The following LRRC3B variants were observed in gnomAD, a reference collection of about 807,000 sequenced individuals.
LRRC3B encodes the protein leucine rich repeat containing 3B.
A neutral mutation model predicts 12.8 loss-of-function variants in LRRC3B; 2 were observed. The ratio of observed to expected loss-of-function variants is 0.16; its 90% CI spans 0.06 to 0.49. The LOEUF is 0.49. LRRC3B is among the 20% of genes least tolerant of loss of function. The pLI is 0.96. For missense variants in LRRC3B, 189 were observed against 319.4 expected (o/e 0.59, Z 3.11); for synonymous variants, 132 against 122.0 (o/e 1.08, Z -0.54).
In LRRC3B at chr3:26,630,434, C is replaced by T. The variant is rs189748120; in HGVS notation, c.-161+7197C>T. On this transcript the variant is annotated intron_variant, in intron 1 of 1. Transcript: ENST00000396641. ...TTTTATTGAAATATCTGTTTATCGA[C>T]TTATAAAAGAAACCACTGTTACTAA... Among the ~76,000 whole-genome samples the T allele has an allele frequency of 1.5e-3, 221 of 151,960 alleles. 1 individual carries two copies. The highest frequency in any genetic ancestry group is 3.9e-3 in the Admixed American group (59 of 15,256).
At chr3:26,707,282 T>C (rs1161743962) in intron 1 of LRRC3B, among the ~76,000 whole-genome samples, 2 of 151,760 alleles carry the variant, frequency 1.3e-5, no homozygotes, top group African/African-American at 4.8e-5. Context: ...GGAGAATTGC[T>C]GGAACCTGGC....
At position 26,697,594 on chromosome 3, in the gene LRRC3B, T is replaced by C. The variant is rs566852446; in HGVS notation, c.-160-11919T>C. On this transcript the variant is annotated intron_variant, in intron 1 of 1. Coordinates refer to ENST00000396641, the Ensembl canonical transcript of LRRC3B. ...AAATATTTTTAGACCATTTTTGGCTTATCATAATCTATCCTCTGATTCCGA... is the reference window on the plus strand; with the variant it reads ...AAATATTTTTAGACCATTTTTGGCTCATCATAATCTATCCTCTGATTCCGA... Among the ~76,000 whole-genome samples, 85 of 152,262 alleles carry C rather than the reference T, an allele frequency of 5.6e-4. 3 individuals carry two copies. In the South Asian group the frequency reaches 0.017, roughly 31 times the overall value.
chr3:26,696,706 C>G (rs777778760), intron 1 of LRRC3B, among the ~76,000 whole-genome samples: 7 of 152,282 alleles, frequency 4.6e-5, no homozygotes, highest in Non-Finnish European at 7.4e-5. Context: ...ACATTTCTAT[C>G]TCATCCTGGT....
chr3:26,637,543 A>G (rs1446894945), intron 1 of LRRC3B, among the ~76,000 whole-genome samples: 4 of 152,162 alleles, frequency 2.6e-5, no homozygotes, highest in Admixed American at 6.5e-5. Flanking sequence ...GTCTGGACAC[A>G]TTGTGTCCAG....
chr3:26,709,174 TGA>T (rs1417295116), intron 1 of LRRC3B, among the ~76,000 whole-genome samples: 1 of 152,072 alleles, frequency 6.6e-6, no homozygotes, highest in East Asian at 1.9e-4. Context: ...TCAGAAAGGG[TGA>T]GAGACATAAT....
At chr3:26,689,860 G>A (rs1700155509) in intron 1 of LRRC3B, among the ~76,000 whole-genome samples, 1 of 152,218 alleles carries the variant, frequency 6.6e-6, no homozygotes, top group Admixed American at 6.5e-5. Context: ...CAACACATGG[G>A]TGTCTTGCTC....
intron 1 of LRRC3B, among the ~76,000 whole-genome samples, chr3:26,697,970 C>T (rs927825676): frequency 1.3e-4 from 20 of 152,092 alleles, no homozygotes; most frequent in Non-Finnish European, 2.4e-4. Flanking sequence ...TGTCTCTGAA[C>T]GTGGATCCCT....
intron 1 of LRRC3B, among the ~76,000 whole-genome samples, chr3:26,630,176 A>G (rs1404714922): frequency 6.6e-6 from 1 of 152,160 alleles, no homozygotes; most frequent in Non-Finnish European, 1.5e-5. Context: ...TGTACTAAAT[A>G]ATACCTCATA....
exon 2 of LRRC3B, chr3:26,709,940 C>T: frequency 1.2e-6 from 2 of 1,614,150 alleles, no homozygotes; most frequent in Non-Finnish European, 1.7e-6. Context: ...CCTCCATCAA[C>T]TGAGAGTTCT....
intron 1 of LRRC3B, among the ~76,000 whole-genome samples, chr3:26,646,598 T>TAAAAAAAAAAAA (rs529066996): frequency 2.0e-5 from 2 of 99,664 alleles, no homozygotes; most frequent in African/African-American, 3.4e-5. Context: ...GGATAGGAGG[T>TAAAAAAAAAAAA]AAAAAAAAAA....
intron 1 of LRRC3B, among the ~76,000 whole-genome samples, chr3:26,693,226 G>A (rs901452935): frequency 6.7e-6 from 1 of 148,936 alleles, no homozygotes; most frequent in African/African-American, 2.6e-5. Context: ...CTACACAGGA[G>A]GCTGAGGCAG....
chr3:26,626,102 G>A (rs761902968), intron 1 of LRRC3B, among the ~76,000 whole-genome samples: 4 of 152,160 alleles, frequency 2.6e-5, no homozygotes, highest in Non-Finnish European at 5.9e-5. Context: ...GCCAGTCCTG[G>A]CCTGTGAGCC....
chr3:26,701,750 C>G (rs2125459501), intron 1 of LRRC3B, among the ~76,000 whole-genome samples: 1 of 152,160 alleles, frequency 6.6e-6, no homozygotes, highest in African/African-American at 2.4e-5. Flanking sequence ...TTCTCCTTTC[C>G]TTGGGAAGGT....
At chr3:26,633,081 A>G (rs1273097167) in intron 1 of LRRC3B, among the ~76,000 whole-genome samples, 1 of 152,158 alleles carries the variant, frequency 6.6e-6, no homozygotes, top group African/African-American at 2.4e-5. Flanking sequence ...TGTTCCTGCA[A>G]CAGAAAGCGC....
chr3:26,637,650 G>A (rs977368444), intron 1 of LRRC3B, among the ~76,000 whole-genome samples: 5 of 152,158 alleles, frequency 3.3e-5, no homozygotes, highest in Non-Finnish European at 7.3e-5. Flanking sequence ...CCTAGAGCAG[G>A]AGATTTAGCT....
At chr3:26,693,789 A>C (rs2125451549) in intron 1 of LRRC3B, among the ~76,000 whole-genome samples, 1 of 152,322 alleles carries the variant, frequency 6.6e-6, no homozygotes, top group South Asian at 2.1e-4. Flanking sequence ...CTGCTTTATA[A>C]GGTTTTCAAA....
At chr3:26,686,069 GTTA>G (rs1468553999) in intron 1 of LRRC3B, among the ~76,000 whole-genome samples, 1 of 151,790 alleles carries the variant, frequency 6.6e-6, no homozygotes, top group African/African-American at 2.4e-5. Flanking sequence ...TAGGTAAATG[GTTA>G]TTTATTTTCC....
At chr3:26,654,752 A>G (rs1369496903) in intron 1 of LRRC3B, among the ~76,000 whole-genome samples, 2 of 152,190 alleles carry the variant, frequency 1.3e-5, no homozygotes, top group African/African-American at 4.8e-5. Flanking sequence ...GGCTGATGCA[A>G]TCTTATATGC....
chr3:26,689,533 T>A (rs1349583576), intron 1 of LRRC3B, among the ~76,000 whole-genome samples: 2 of 152,196 alleles, frequency 1.3e-5, no homozygotes, highest in Non-Finnish European at 2.9e-5. Flanking sequence ...TTGTTTCCAT[T>A]TCCCCAATGT....
Sources: gnomAD v4.1 joint callset for allele counts (sites outside exome capture counted in the v4.1 genomes callset) on GRCh38, gnomAD v4.1.1 for gene constraint, MANE v1.5 for transcripts, NCBI Gene and HGNC (gene_info 2026-07-23, HGNC 2026-07-21) for gene names.